The following CLPB variants were observed in gnomAD, a reference collection of about 807,000 sequenced individuals.
CLPB encodes mitochondrial disaggregase.
A neutral mutation model predicts 78.4 loss-of-function variants in CLPB; 40 were observed. That is an observed-to-expected ratio of 0.51 (90% CI 0.40 to 0.66). CLPB has a LOEUF of 0.66. CLPB is among the 30% of genes least tolerant of loss of function. The pLI, the probability that CLPB is intolerant of heterozygous loss-of-function variation, is 0.00. For synonymous variants in CLPB, 333 were observed against 348.0 expected, an observed-to-expected ratio of 0.96 and a Z score of 0.48; for missense variants, 780 against 886.9, an observed-to-expected ratio of 0.88 and a Z score of 1.53.
chr11:72,359,016 G>C lies in CLPB; in HGVS notation c.647-8C>G. 6.2e-7 allele frequency: 1 copy of C among 1,613,410 alleles called. No homozygotes were observed. ...CCTCTCGGGTGATCAGGACTGGGGA[G>C]ACAGCAACACAAACCCTTCCATTAG... On this transcript the variant is annotated splice_polypyrimidine_tract_variant and splice_region_variant and intron_variant, in intron 4 of 15. Coordinates refer to ENST00000538039, the MANE Select transcript of CLPB (RefSeq NM_001258392.3).
At chr11:72,402,920 G>A (rs753857659) in intron 3 of CLPB, 46 bp downstream of exon 3, 1 of 1,525,408 alleles carries the variant, frequency 6.6e-7, no homozygotes, top group East Asian at 2.3e-5. Flanking sequence ...AGCACAGTCT[G>A]CAGAGATCTG....
At chr11:72,409,266 GAC>G (rs1855804249) in intron 2 of CLPB, among the ~76,000 whole-genome samples, 1 of 152,114 alleles carries the variant, frequency 6.6e-6, no homozygotes, top group African/African-American at 2.4e-5. Flanking sequence ...CAGGGTGGTA[GAC>G]ACAGAGTAGA....
At chr11:72,329,100 C>T (rs912810122) in intron 6 of CLPB, among the ~76,000 whole-genome samples, 1 of 152,162 alleles carries the variant, frequency 6.6e-6, no homozygotes, top group African/African-American at 2.4e-5. Context: ...GGATTCTGTC[C>T]AGTAGTTCCT....
chr11:72,349,979 C>T (rs940593479), intron 5 of CLPB, among the ~76,000 whole-genome samples: 1 of 152,210 alleles, frequency 6.6e-6, no homozygotes, highest in African/African-American at 2.4e-5. Context: ...TGCTTGGAGC[C>T]GATTAAAGCC....
chr11:72,294,249 G>A (rs1590752828), intron 14 of CLPB, 76 bp downstream of exon 14: 2 of 1,611,698 alleles, frequency 1.2e-6, no homozygotes, highest in East Asian at 2.2e-5. Context: ...ATGTGTGTGG[G>A]GGTGCCCCCA....
rs1161749635 is a variant in CLPB, at chr11:72,375,283, A to G, written c.646+4998T>C. 3.3e-5 allele frequency among the ~76,000 whole-genome samples: 5 copies of G among 152,190 alleles called. No individual in the cohort carries two copies. In the South Asian group the frequency reaches 6.2e-4, roughly 19 times the overall value. ...TCTAAAATGCAAGTGTGAATTCGAC[A>G]TTGCCCTGCTTAAAATCCTTTAACG... On this transcript the variant is annotated intron_variant, in intron 4 of 15. Transcript: ENST00000538039.
chr11:72,380,748 C>A (rs977752538), intron 3 of CLPB, among the ~76,000 whole-genome samples: 5 of 152,208 alleles, frequency 3.3e-5, no homozygotes, highest in Non-Finnish European at 7.3e-5. Flanking sequence ...CTTTCTAAGG[C>A]CCAGTTTCCA....
chr11:72,295,784 T>C, intron 11 of CLPB, 136 bp from the exon 12 acceptor site: 2 of 818,664 alleles, frequency 2.4e-6, no homozygotes, highest in Non-Finnish European at 1.9e-6. Context: ...GCCAGCTGCT[T>C]CCTCCTCTGG....
chr11:72,339,278 T>C (rs1172407479), intron 5 of CLPB, among the ~76,000 whole-genome samples: 1 of 152,094 alleles, frequency 6.6e-6, no homozygotes, highest in African/African-American at 2.4e-5. Flanking sequence ...TTCTGGGAAA[T>C]GTGATTGAGA....
chr11:72,340,728 T>A (rs1221301736), intron 5 of CLPB, among the ~76,000 whole-genome samples: 1 of 152,230 alleles, frequency 6.6e-6, no homozygotes, highest in Non-Finnish European at 1.5e-5. Flanking sequence ...GAGATCCTAA[T>A]CATAGCTATA....
chr11:72,431,431 C>T (rs889198191), intron 1 of CLPB, among the ~76,000 whole-genome samples: 9 of 152,218 alleles, frequency 5.9e-5, no homozygotes, highest in African/African-American at 2.2e-4. Flanking sequence ...TGGGGTCTAG[C>T]CCAGCTCTGT....
At position 72,293,367 on chromosome 11, in the gene CLPB, C is replaced by T. The variant is rs1398069230; in HGVS notation, c.2034G>A (p.Ter678=). 1.9e-6 allele frequency: 3 copies of T among 1,612,638 alleles called. No individual in the cohort carries two copies. The South Asian group carries it at 3.3e-5, about 18-fold the overall frequency. ...LHPEKVCNTI[*] is the part of the protein sequence containing the mutation. ...GCACATAGGAGCAGGCAGGTGGCTGCTAGATGGTGTTGCACACCTTCTCAG... is the reference window on the plus strand; with the variant it reads ...GCACATAGGAGCAGGCAGGTGGCTGTTAGATGGTGTTGCACACCTTCTCAG... The change falls in exon 16 of 16, where the codon TAG becomes TAA. Residue 678 remains the stop codon, a stop_retained_variant. Coordinates refer to ENST00000538039, the MANE Select transcript of CLPB (RefSeq NM_001258392.3).
At chr11:72,411,172 C>T (rs1253834598) in intron 2 of CLPB, among the ~76,000 whole-genome samples, 1 of 152,206 alleles carries the variant, frequency 6.6e-6, no homozygotes, top group African/African-American at 2.4e-5. Context: ...CCACAAAGCT[C>T]GGGGTCTGAA....
In CLPB at chr11:72,286,918, T is replaced by C. The variant is rs1949398307; in HGVS notation, c.*6449A>G. The stretch of plus-strand genomic sequence containing the variant: ...ATTTTCTGAAAACAAGGACGTTCTC[T>C]TCTGTAATCATAGTATAATTATCAA... On this transcript the variant is annotated 3_prime_UTR_variant, in exon 16 of 16. Coordinates refer to ENST00000538039, the MANE Select transcript of CLPB (RefSeq NM_001258392.3). 6.6e-6 allele frequency: 1 copy of C among 152,216 alleles called. No homozygotes were observed. The highest frequency in any genetic ancestry group is 1.5e-5 in the Non-Finnish European group (1 of 68,040). The allele number at this position is 152,216 out of a possible 1,614,324, so 9.4% of individuals were successfully genotyped here.
In CLPB at chr11:72,346,305, A is replaced by G. The variant is rs574610713; in HGVS notation, c.775+12575T>C. On this transcript the variant is annotated intron_variant, in intron 5 of 15. Transcript: ENST00000538039. Reference sequence around the variant, plus strand: ...GCATTCACGTTATAAACAAAAAAGTAAACAATATAGAATATCTGTGTGCAT... The same window carrying G: ...GCATTCACGTTATAAACAAAAAAGTGAACAATATAGAATATCTGTGTGCAT... Among the ~76,000 whole-genome samples the G allele has an allele frequency of 2.0e-5, 3 of 152,268 alleles. No individual in the cohort carries two copies. In the South Asian group the frequency reaches 6.2e-4, roughly 32 times the overall value.
intron 4 of CLPB, among the ~76,000 whole-genome samples, chr11:72,375,117 C>G (rs2886350): frequency 1.3e-5 from 2 of 152,168 alleles, no homozygotes; most frequent in African/African-American, 4.8e-5. Context: ...TTAGGAATCT[C>G]CAGATATTTT....
chr11:72,416,204 C>A (rs1457442448), intron 2 of CLPB, among the ~76,000 whole-genome samples: 1 of 152,182 alleles, frequency 6.6e-6, no homozygotes, highest in Non-Finnish European at 1.5e-5. Flanking sequence ...TCTTTACTTA[C>A]ATTACTCCAA....
At chr11:72,322,706 C>G (rs1006215886) in intron 6 of CLPB, among the ~76,000 whole-genome samples, 2 of 152,184 alleles carry the variant, frequency 1.3e-5, no homozygotes, top group Admixed American at 1.3e-4. Context: ...AACTGGTAGT[C>G]TTAACTTCGA....
intron 4 of CLPB, among the ~76,000 whole-genome samples, chr11:72,362,072 T>TCATC (rs1464690530): frequency 6.6e-6 from 1 of 152,214 alleles, no homozygotes; most frequent in East Asian, 1.9e-4. Flanking sequence ...TCATCTCTCA[T>TCATC]CATCACCTTT....
Sources: gnomAD v4.1 joint callset for allele counts (sites outside exome capture counted in the v4.1 genomes callset) on GRCh38, gnomAD v4.1.1 for gene constraint, MANE v1.5 for transcripts, NCBI Gene and HGNC (gene_info 2026-07-23, HGNC 2026-07-21) for gene names.